The following NBPF11 variants were observed in gnomAD, a reference collection of about 807,000 sequenced individuals.
NBPF11 encodes NBPF member 11, also known as NBPF family member NBPF11.
Under a neutral mutation model 93.9 loss-of-function variants are expected in NBPF11, and 72 were observed. The observed-to-expected ratio is 0.77, with a 90% CI of 0.63 to 0.93. The LOEUF is 0.93. Ranked by LOEUF, NBPF11 falls within the 40% of genes least tolerant of loss-of-function variation. The probability of loss-of-function intolerance (pLI) is 0.00; values close to 1 mark genes in which losing one functional copy is unlikely to be tolerated. For synonymous variants in NBPF11, 224 were observed against 304.9 expected, an observed-to-expected ratio of 0.73 and a Z score of 2.76; for missense variants, 705 against 802.2, an observed-to-expected ratio of 0.88 and a Z score of 1.46.
rs1553273186 is a variant in NBPF11 at position 148,126,806 on chromosome 1, G to T, written c.175+23C>A. 1,335 of 1,598,896 alleles carry T rather than the reference G, an allele frequency of 8.3e-4. 3 individuals are homozygous for T. The highest frequency in any genetic ancestry group is 1.1e-3 in the Non-Finnish European group (1,273 of 1,171,254). ...AGTGTCTCACATTCATCACTTTCAT[G>T]ATGGTGAGCCTATAGATCTTACTGT... On this transcript the variant is annotated intron_variant, in intron 5 of 23. Coordinates refer to ENST00000682118, the MANE Select transcript of NBPF11 (RefSeq NM_001385469.3).
In NBPF11 at chr1:148,105,453, T is replaced by C. The variant is rs1663320576; in HGVS notation, c.2379A>G (p.Pro793=). The C allele has an allele frequency of 1.8e-6, 2 of 1,110,138 alleles. No homozygotes were observed. The highest frequency in any genetic ancestry group is 2.7e-6 in the Non-Finnish European group (2 of 751,724). 68.8% of individuals were successfully genotyped at this position (1,110,138 alleles called of 1,614,324 possible). The change falls in exon 22 of 24, where the codon CCA becomes CCG. Residue 793 remains proline (P), a synonymous_variant. Coordinates refer to ENST00000682118, the MANE Select transcript of NBPF11 (RefSeq NM_001385469.3). ...CAGGAGTCAGGCTGTTCAAGACAAC[T>C]GGAAGGAGTTGAATAACATCCAGTG... ...QDSLDVIQLL[P]VVLNSLTPAS...
intron 1 of NBPF11, among the ~76,000 whole-genome samples, chr1:148,150,011 G>A (rs1647882090): frequency 6.6e-6 from 1 of 151,696 alleles, no homozygotes; most frequent in African/African-American, 2.4e-5. Flanking sequence ...TTGGGAAAAT[G>A]TTCAGCCATA....
intron 1 of NBPF11, among the ~76,000 whole-genome samples, chr1:148,151,002 G>T (rs1329425201): frequency 1.3e-5 from 2 of 151,780 alleles, no homozygotes; most frequent in East Asian, 1.9e-4. Flanking sequence ...GCTTCTTTTC[G>T]AAAGCAGCTC....
At chr1:148,146,299 G>A (rs1387591443) in intron 1 of NBPF11, 28 of 1,346,624 alleles carry the variant, frequency 2.1e-5, no homozygotes, top group Non-Finnish European at 2.4e-5. Flanking sequence ...CCCCCTGCCC[G>A]CGACTCGGAG....
intron 4 of NBPF11, among the ~76,000 whole-genome samples, chr1:148,131,237 A>G (rs1343796041): frequency 6.6e-6 from 1 of 150,948 alleles, no homozygotes; most frequent in Non-Finnish European, 1.5e-5. Flanking sequence ...AGTTTTGCCT[A>G]GGTTTTTCCT....
At chr1:148,122,549 T>C (rs1434249003) in intron 8 of NBPF11, among the ~76,000 whole-genome samples, 180 bp downstream of exon 8, 10 of 152,070 alleles carry the variant, frequency 6.6e-5, no homozygotes, top group Non-Finnish European at 1.0e-4. Context: ...GACATGACAC[T>C]TGGCACACAT....
Position 148,120,604 on chromosome 1 carries a change from C to A in NBPF11, c.885G>T (p.Leu295Phe), listed in dbSNP as rs1235185418. The A allele has an allele frequency of 1.1e-5, 16 of 1,508,216 alleles. No individual in the cohort carries two copies. Among genetic ancestry groups the A allele is most frequent in the Middle Eastern group, 4.3e-4 (2 of 4,694 alleles). 93.4% of individuals were successfully genotyped at this position (1,508,216 alleles called of 1,614,324 possible). ...GTTTCTTCTCTGCCAGCTGGGGGCACAATTTCTCATTGATTTCTAGAATGT... is the reference window on the plus strand; with the variant it reads ...GTTTCTTCTCTGCCAGCTGGGGGCAAAATTTCTCATTGATTTCTAGAATGT... Reference protein sequence around the residue: ...EMNILEINEKLCPQLAEKKQQ... With the variant: ...EMNILEINEKFCPQLAEKKQQ... The change falls in exon 10 of 24, where the codon TTG (leucine) becomes TTT (phenylalanine). Residue 295 changes from leucine to phenylalanine, a missense_variant. This residue lies in a region of NBPF11 where 262 missense variants were observed against 223.1 expected (regional missense o/e 1.17). Coordinates refer to ENST00000682118, the MANE Select transcript of NBPF11 (RefSeq NM_001385469.3).
chr1:148,146,778 C>T, intron 1 of NBPF11: 1 of 1,613,322 alleles, frequency 6.2e-7, no homozygotes, highest in Non-Finnish European at 8.5e-7. Context: ...GCCAGATGAG[C>T]AGCTTCTACA....
intron 6 of NBPF11, among the ~76,000 whole-genome samples, chr1:148,124,504 G>A (rs61659427): frequency 2.7e-5 from 4 of 150,860 alleles, no homozygotes; most frequent in South Asian, 2.1e-4. Flanking sequence ...TGACAGGGTC[G>A]AGAAGGCAAC....
intron 1 of NBPF11, among the ~76,000 whole-genome samples, chr1:148,145,108 A>AG (rs1672782424): frequency 6.7e-6 from 1 of 150,004 alleles, no homozygotes; most frequent in African/African-American, 2.5e-5. Flanking sequence ...GTCTGAAAAA[A>AG]AAAAATGCAA....
chr1:148,141,138 G>C (rs1672097086), intron 2 of NBPF11, among the ~76,000 whole-genome samples: 1 of 151,872 alleles, frequency 6.6e-6, no homozygotes, highest in East Asian at 1.9e-4. Flanking sequence ...GGTTGTCAGG[G>C]GTGGAGGAGA....
intron 15 of NBPF11, among the ~76,000 whole-genome samples, chr1:148,111,011 C>G (rs1395730512): frequency 6.6e-6 from 1 of 151,380 alleles, no homozygotes; most frequent in Non-Finnish European, 1.5e-5. Flanking sequence ...AAATACTAGC[C>G]AACATACTAC....
intron 4 of NBPF11, among the ~76,000 whole-genome samples, chr1:148,132,722 C>CTTTTTT (rs1491278470): frequency 2.7e-5 from 1 of 37,522 alleles, no homozygotes; most frequent in Non-Finnish European, 6.0e-5. Context: ...TGTTGACTTT[C>CTTTTTT]CTTTTTTTTT....
intron 22 of NBPF11, 152 bp downstream of exon 22, chr1:148,105,208 A>G: frequency 3.4e-6 from 2 of 585,340 alleles, no homozygotes; most frequent in South Asian, 1.9e-5. Flanking sequence ...GCTTCCAGGT[A>G]GAACTAGAGT....
chr1:148,143,239 G>A (rs1387060153), intron 2 of NBPF11, among the ~76,000 whole-genome samples, 176 bp downstream of exon 2: 3 of 151,988 alleles, frequency 2.0e-5, no homozygotes, highest in East Asian at 1.9e-4. Flanking sequence ...AGTCCAGGGC[G>A]GCACACGCTG....
chr1:148,146,586 G>C, intron 1 of NBPF11: 1 of 1,608,552 alleles, frequency 6.2e-7, no homozygotes, highest in African/African-American at 1.3e-5. Flanking sequence ...GCGCACCCGG[G>C]CGCTGGAAGC....
rs1368963922 is a variant in NBPF11, at chr1:148,103,652, G to C, written c.*244C>G. 1.2e-6 allele frequency: 2 copies of C among 1,610,902 alleles called. No individual in the cohort carries two copies. Among genetic ancestry groups the C allele is most frequent in the Non-Finnish European group, 1.7e-6 (2 of 1,179,166 alleles). Reference sequence around the variant, plus strand: ...CCTGCCTGCAGGAATGACACCTCTCGGCTTAGTAAGGGCTGCTTATTGTGG... The same window carrying C: ...CCTGCCTGCAGGAATGACACCTCTCCGCTTAGTAAGGGCTGCTTATTGTGG... On this transcript the variant is annotated 3_prime_UTR_variant, in exon 24 of 24. Coordinates refer to ENST00000682118, the MANE Select transcript of NBPF11 (RefSeq NM_001385469.3).
rs1196987786 is a variant in NBPF11 at position 148,132,362 on chromosome 1, T to C, written c.-36+3310A>G. Among the ~76,000 whole-genome samples, 49 of 149,734 alleles carry C rather than the reference T, an allele frequency of 3.3e-4. No individual in the cohort carries two copies. In the East Asian group the frequency reaches 6.9e-3, roughly 21 times the overall value. On this transcript the variant is annotated intron_variant, in intron 4 of 23. Transcript: ENST00000682118. ...TCCACTGATATATATTCTATTTTTTTTTTTCAACAAAACACATAATCTTGA... is the reference window on the plus strand; with the variant it reads ...TCCACTGATATATATTCTATTTTTTCTTTTCAACAAAACACATAATCTTGA...
chr1:148,125,413 C>G (rs1269443320), intron 5 of NBPF11, among the ~76,000 whole-genome samples: 1 of 151,904 alleles, frequency 6.6e-6, no homozygotes, highest in Non-Finnish European at 1.5e-5. Context: ...GATGGTTTCC[C>G]TTTTACTGGG....
Sources: gnomAD v4.1 joint callset for allele counts (sites outside exome capture counted in the v4.1 genomes callset) on GRCh38, gnomAD v4.1.1 for gene constraint, gnomAD v4.1.1 regional missense constraint, MANE v1.5 for transcripts, NCBI Gene and HGNC (gene_info 2026-07-23, HGNC 2026-07-21) for gene names.